Variants in AAK1 observed in about 807,000 individuals in gnomAD.
AAK1 encodes AP2 associated kinase 1.
Under a neutral mutation model 116.0 loss-of-function variants are expected in AAK1, and 37 were observed. That is an observed-to-expected ratio of 0.32 (90% confidence interval 0.25 to 0.42). AAK1 has a LOEUF of 0.42. Ranked by LOEUF, AAK1 falls within the 10% of genes least tolerant of loss-of-function variation. AAK1 has a pLI of 1.00. For synonymous variants in AAK1, 458 were observed against 439.9 expected (o/e 1.04, Z -0.51); for missense variants, 919 against 1,170.6 (o/e 0.79, Z 3.14).
intron 16 of AAK1, among the ~76,000 whole-genome samples, chr2:69,496,586 T>C (rs1223161862): frequency 6.6e-6 from 1 of 152,148 alleles, no homozygotes; most frequent in African/African-American, 2.4e-5. Context: ...TGCAACATAT[T>C]ATGAGATGCA....
chr2:69,617,386 T>A (rs998156231), intron 2 of AAK1, among the ~76,000 whole-genome samples: 1 of 152,228 alleles, frequency 6.6e-6, no homozygotes, highest in African/African-American at 2.4e-5. Context: ...CCTAGCTGTG[T>A]AGTTTCGGAC....
intron 2 of AAK1, among the ~76,000 whole-genome samples, chr2:69,638,403 ACT>A (rs371767306): frequency 6.6e-5 from 10 of 152,168 alleles, no homozygotes; most frequent in African/African-American, 2.4e-4. Context: ...TTCCCCAGAC[ACT>A]CGCTGCTCCC....
chr2:69,481,310 A>G (rs1042329544), intron 18 of AAK1: 7 of 163,416 alleles, frequency 4.3e-5, no homozygotes, highest in African/African-American at 1.4e-4. Flanking sequence ...CAGTCTCACT[A>G]ATGATCAGTT....
At position 69,520,988 on chromosome 2, in the gene AAK1, T is replaced by C. The variant is rs762602508; in HGVS notation, c.1056A>G (p.Arg352=). Reference sequence around the variant, plus strand: ...CTGTGGTGGGAATGGGATCTGTCAGTCTAGAAAGGGAAAAGAGAAAGGTTC... The same window carrying C: ...CTGTGGTGGGAATGGGATCTGTCAGCCTAGAAAGGGAAAAGAGAAAGGTTC... ...AAAKKTQPKA[R]LTDPIPTTET... The change falls in exon 11 of 22, where the codon AGA becomes AGG. Residue 352 remains arginine (R), a splice_region_variant and synonymous_variant. Transcript: ENST00000409085. The C allele has an allele frequency of 5.0e-6, 8 of 1,613,504 alleles. No individual in the cohort carries two copies. In the South Asian group the frequency reaches 7.7e-5, roughly 16 times the overall value.
intron 2 of AAK1, among the ~76,000 whole-genome samples, chr2:69,615,265 C>T (rs1674274085): frequency 6.6e-6 from 1 of 152,180 alleles, no homozygotes; most frequent in Non-Finnish European, 1.5e-5. Context: ...GCCCCGCAGG[C>T]CAGAATAGTT....
intron 2 of AAK1, among the ~76,000 whole-genome samples, chr2:69,585,201 G>C (rs1672712389): frequency 6.6e-6 from 1 of 152,138 alleles, no homozygotes; most frequent in African/African-American, 2.4e-5. Context: ...ATCTCCAATT[G>C]GCATAACATA....
At chr2:69,637,051 A>G (rs1212013073) in intron 2 of AAK1, among the ~76,000 whole-genome samples, 1 of 152,144 alleles carries the variant, frequency 6.6e-6, no homozygotes, top group Non-Finnish European at 1.5e-5. Context: ...ACTTTATTGA[A>G]CAGCACAGCC....
chr2:69,633,140 A>G (rs1350348431), intron 2 of AAK1, among the ~76,000 whole-genome samples: 3 of 149,266 alleles, frequency 2.0e-5, no homozygotes, highest in Admixed American at 6.7e-5. Flanking sequence ...AATGGCATGA[A>G]CCCGGGAGGT....
chr2:69,579,188 A>G (rs1672441496), intron 2 of AAK1, among the ~76,000 whole-genome samples: 2 of 152,026 alleles, frequency 1.3e-5, no homozygotes, highest in Admixed American at 1.3e-4. Flanking sequence ...TGCCCTCTCC[A>G]AGGCCCAGGA....
Position 69,458,916 on chromosome 2 carries a change from G to C in AAK1, c.*16953C>G, listed in dbSNP as rs1225358952. On this transcript the variant is annotated 3_prime_UTR_variant, in exon 22 of 22. Coordinates refer to ENST00000409085, the MANE Select transcript of AAK1 (RefSeq NM_014911.5). ...GGAATCAAACGGATCCCTTTAACATGTACATATAGTTCCATTATAATGCAA... is the reference window on the plus strand; with the variant it reads ...GGAATCAAACGGATCCCTTTAACATCTACATATAGTTCCATTATAATGCAA... 1 of 152,424 alleles carries C rather than the reference G, an allele frequency of 6.6e-6. No individual in the cohort carries two copies. Among genetic ancestry groups the C allele is most frequent in the African/African-American group, 2.4e-5 (1 of 41,428 alleles). 9.4% of individuals were successfully genotyped at this position (152,424 alleles called of 1,614,324 possible).
chr2:69,558,624 T>C (rs181279257), intron 2 of AAK1, among the ~76,000 whole-genome samples: 24 of 152,288 alleles, frequency 1.6e-4, no homozygotes, highest in Non-Finnish European at 3.2e-4. Flanking sequence ...TTGACTCTGT[T>C]CAGCAAAAAA....
At chr2:69,589,354 G>A (rs1672925075) in intron 2 of AAK1, among the ~76,000 whole-genome samples, 1 of 152,122 alleles carries the variant, frequency 6.6e-6, no homozygotes, top group Non-Finnish European at 1.5e-5. Context: ...AAGATCAGCA[G>A]GAAAAGGAGT....
intron 16 of AAK1, among the ~76,000 whole-genome samples, chr2:69,503,855 T>A (rs1676069995): frequency 6.6e-6 from 1 of 152,138 alleles, no homozygotes; most frequent in East Asian, 1.9e-4. Flanking sequence ...CAAAATTAGC[T>A]GGGCATGGTG....
chr2:69,473,143 G>C lies in AAK1; in HGVS notation c.*2726C>G. ...GAACAGCAACTCTGAGAGGTGAAGT[G>C]CCTGCTGAAGGTCACTCAGCCAGTG... On this transcript the variant is annotated 3_prime_UTR_variant, in exon 22 of 22. Transcript: ENST00000409085. 2.5e-6 allele frequency: 2 copies of C among 801,678 alleles called. No individual in the cohort carries two copies. The highest frequency in any genetic ancestry group is 3.0e-6 in the Non-Finnish European group (2 of 662,324). 49.7% of individuals were successfully genotyped at this position (801,678 alleles called of 1,614,324 possible). A position where few individuals can be genotyped will look rare whatever the true frequency, so the allele number is the denominator to read the frequency against.
intron 2 of AAK1, among the ~76,000 whole-genome samples, chr2:69,609,703 T>C (rs1350901258): frequency 1.3e-5 from 2 of 151,370 alleles, no homozygotes; most frequent in Admixed American, 6.6e-5. Context: ...AAATCCAACC[T>C]AAACCCACAC....
Position 69,530,718 on chromosome 2 carries a change from A to C in AAK1, c.657-12T>G. Reference sequence around the variant, plus strand: ...ACAGCGTTGTGTATCTACAATCAAGAGATTCATTTTTTATTAAATATGTCA... The same window carrying C: ...ACAGCGTTGTGTATCTACAATCAAGCGATTCATTTTTTATTAAATATGTCA... On this transcript the variant is annotated splice_polypyrimidine_tract_variant and intron_variant, in intron 6 of 21. Coordinates refer to ENST00000409085, the MANE Select transcript of AAK1 (RefSeq NM_014911.5). 7 of 1,600,570 alleles carry C rather than the reference A, an allele frequency of 4.4e-6. No homozygotes were observed. Among genetic ancestry groups the C allele is most frequent in the Non-Finnish European group, 6.0e-6 (7 of 1,168,704 alleles).
At chr2:69,548,871 G>C (rs1261801642) in intron 3 of AAK1, among the ~76,000 whole-genome samples, 1 of 151,968 alleles carries the variant, frequency 6.6e-6, no homozygotes, top group African/African-American at 2.4e-5. Flanking sequence ...CCAAAGTGCT[G>C]GTACTACAAG....
intron 13 of AAK1, among the ~76,000 whole-genome samples, chr2:69,511,914 GC>G (rs1200127326): frequency 6.6e-6 from 1 of 152,096 alleles, no homozygotes; most frequent in Non-Finnish European, 1.5e-5. Flanking sequence ...GTTCAGCTAC[GC>G]CTCCCAGCAA....
chr2:69,523,273 A>C (rs1669868718), intron 10 of AAK1, among the ~76,000 whole-genome samples: 1 of 152,224 alleles, frequency 6.6e-6, no homozygotes, highest in Admixed American at 6.5e-5. Flanking sequence ...TACTTAAATC[A>C]GCCCCAAAAC....
Sources: gnomAD v4.1 joint callset for allele counts (sites outside exome capture counted in the v4.1 genomes callset) on GRCh38, gnomAD v4.1.1 for gene constraint, MANE v1.5 for transcripts, NCBI Gene and HGNC (gene_info 2026-07-23, HGNC 2026-07-21) for gene names.